Variants in GDAP2 observed in about 807,000 individuals in gnomAD.
The protein encoded by GDAP2 is ganglioside induced differentiation associated protein 2.
In GDAP2, 51 loss-of-function variants were observed where a neutral mutation model predicts 67.0. That is an observed-to-expected ratio of 0.76 (90% CI 0.61 to 0.96). The LOEUF is 0.96. Ranked by LOEUF, GDAP2 falls within the 40% of genes least tolerant of loss-of-function variation. The probability of loss-of-function intolerance (pLI) is 0.00; values close to 1 mark genes in which losing one functional copy is unlikely to be tolerated. For synonymous variants in GDAP2, 203 were observed against 207.3 expected (o/e 0.98, Z 0.18); for missense variants, 547 against 588.3 (o/e 0.93, Z 0.73).
intron 1 of GDAP2, among the ~76,000 whole-genome samples, chr1:117,922,820 C>G (rs1397590500): frequency 6.6e-6 from 1 of 152,238 alleles, no homozygotes; most frequent in Non-Finnish European, 1.5e-5. Context: ...GGTTCAAGAG[C>G]AGAGAACCGG....
At chr1:117,915,729 C>T (rs1263718593) in intron 3 of GDAP2, among the ~76,000 whole-genome samples, 1 of 152,116 alleles carries the variant, frequency 6.6e-6, no homozygotes, top group African/African-American at 2.4e-5. Context: ...TCTAAATTCA[C>T]AAAGTGAATA....
At chr1:117,903,617 A>G (rs532375642) in intron 6 of GDAP2, among the ~76,000 whole-genome samples, 2 of 151,986 alleles carry the variant, frequency 1.3e-5, no homozygotes, top group East Asian at 1.9e-4. Flanking sequence ...CATTCCTGAC[A>G]TAAGTCCTAC....
chr1:117,920,154 T>C, intron 2 of GDAP2, 28 bp downstream of exon 2: 1 of 1,347,774 alleles, frequency 7.4e-7, no homozygotes, highest in South Asian at 1.2e-5. Flanking sequence ...TGTTATCTCC[T>C]CATGATATGA....
intron 3 of GDAP2, 94 bp downstream of exon 3, chr1:117,918,503 T>G (rs1650125783): frequency 2.3e-6 from 2 of 880,418 alleles, no homozygotes; most frequent in African/African-American, 3.4e-5. Context: ...CAGCTACATC[T>G]ACAAAATTTT....
intron 6 of GDAP2, among the ~76,000 whole-genome samples, chr1:117,902,477 G>C (rs1313256578): frequency 6.6e-6 from 1 of 152,118 alleles, no homozygotes; most frequent in Non-Finnish European, 1.5e-5. Context: ...GCTAATTTTT[G>C]TATCTGCTAT....
Position 117,899,106 on chromosome 1 carries a change from C to G in GDAP2, c.747G>C (p.Val249=). 6.2e-7 allele frequency: 1 copy of G among 1,613,014 alleles called. No individual in the cohort carries two copies. The highest frequency in any genetic ancestry group is 8.5e-7 in the Non-Finnish European group (1 of 1,179,044). Reference sequence around the variant, plus strand: ...TTATTCTAATCTGTCGTTCAGGTACCACAGGCTCCCCTTCTGCATTTCCAA... The same window carrying G: ...TTATTCTAATCTGTCGTTCAGGTACGACAGGCTCCCCTTCTGCATTTCCAA... ...ADIGNAEGEP[V]VPERQIRISE... Residue 249 remains valine (V), a synonymous_variant, in exon 7 of 14, where the codon GTG becomes GTC. Transcript: ENST00000369443.
chr1:117,889,798 A>C (rs2101129599), intron 8 of GDAP2, among the ~76,000 whole-genome samples: 1 of 152,230 alleles, frequency 6.6e-6, no homozygotes, highest in South Asian at 2.1e-4. Context: ...ATGAGACTAA[A>C]CAGCAAAATG....
intron 13 of GDAP2, among the ~76,000 whole-genome samples, chr1:117,875,726 G>A (rs1648434404): frequency 6.6e-6 from 1 of 152,200 alleles, no homozygotes; most frequent in African/African-American, 2.4e-5. Flanking sequence ...AAAGCCAAAG[G>A]AGATTATTTT....
Position 117,868,554 on chromosome 1 carries a change from G to A in GDAP2, c.*2015C>T, listed in dbSNP as rs1442519472. ...CTTTCAAATTGGCAAAGTAGCTTAC[G>A]GCCTCTATTATCTCTACAGAAAATG... On this transcript the variant is annotated 3_prime_UTR_variant, in exon 14 of 14. Transcript: ENST00000369443. 2 of 152,052 alleles carry A rather than the reference G, an allele frequency of 1.3e-5. No homozygotes were observed. Among genetic ancestry groups the A allele is most frequent in the Non-Finnish European group, 2.9e-5 (2 of 68,022 alleles). 9.4% of individuals were successfully genotyped at this position (152,052 alleles called of 1,614,324 possible). A position where few individuals can be genotyped will look rare whatever the true frequency, so the allele number is the denominator to read the frequency against.
chr1:117,892,954 C>T (rs767235152), intron 8 of GDAP2, among the ~76,000 whole-genome samples: 2 of 152,066 alleles, frequency 1.3e-5, no homozygotes, highest in Non-Finnish European at 2.9e-5. Flanking sequence ...TGACCCTGTA[C>T]AGTAATTTAA....
intron 13 of GDAP2, among the ~76,000 whole-genome samples, chr1:117,873,002 TAGG>T (rs1248202026): frequency 6.6e-6 from 1 of 152,192 alleles, no homozygotes. Flanking sequence ...TATCTGTCTT[TAGG>T]AGTTCTCTAT....
Position 117,883,494 on chromosome 1 carries a change from TCAA to T in GDAP2, c.1238_1240del (p.Val413del). 6 of 1,610,522 alleles carry T rather than the reference TCAA, an allele frequency of 3.7e-6. No individual in the cohort carries two copies. Among genetic ancestry groups the T allele is most frequent in the Non-Finnish European group, 4.2e-6 (5 of 1,178,292 alleles). On this transcript the variant is annotated inframe_deletion, in exon 11 of 14. Transcript: ENST00000369443. The stretch of plus-strand genomic sequence containing the variant: ...ATTTGCAAAAATAACTAACTTGACA[TCAA>T]CAACATCGTAGAGTTTCTTCAGGAA...
chr1:117,876,430 T>A (rs910973190), intron 13 of GDAP2, among the ~76,000 whole-genome samples: 2 of 152,084 alleles, frequency 1.3e-5, no homozygotes, highest in Non-Finnish European at 2.9e-5. Context: ...ACCAAATAAA[T>A]CTATTCTTTA....
At chr1:117,903,092 A>G (rs1230528286) in intron 6 of GDAP2, among the ~76,000 whole-genome samples, 3 of 152,002 alleles carry the variant, frequency 2.0e-5, no homozygotes, top group African/African-American at 7.2e-5. Context: ...TAGAAATACA[A>G]TTTATTTTTG....
chr1:117,881,697 TAGAAACCAGGAAATTAGCAGTC>T, intron 12 of GDAP2, 104 bp downstream of exon 12: 1 of 676,214 alleles, frequency 1.5e-6, no homozygotes, highest in East Asian at 2.6e-5. Context: ...CAAGATCACT[TAGAAACCAGGAAATTAGCAGTC>T]ACAATGGTGA....
chr1:117,877,775 C>T, intron 13 of GDAP2: 2 of 1,235,006 alleles, frequency 1.6e-6, no homozygotes, highest in Middle Eastern at 3.2e-4. Context: ...TCTGAACTCA[C>T]AGCAGAGAGA....
At position 117,918,732 on chromosome 1, in the gene GDAP2, CT is replaced by C; in HGVS notation, c.180del (p.Gly61GlufsTer6). The C allele has an allele frequency of 6.2e-7, 1 of 1,600,290 alleles. No homozygotes were observed. The highest frequency in any genetic ancestry group is 8.6e-7 in the Non-Finnish European group (1 of 1,168,916). ...KDVNGKVVLW[K>X]GDVALLNCTA... is the part of the protein sequence containing the mutation. ...GTACAGTTCAGTAATGCCACATCTC[CT>C]TTCCTGAAGAAACAATAAAGAATGA... On this transcript the variant is annotated frameshift_variant, in exon 3 of 14. Transcript: ENST00000369443. LOFTEE classifies it high-confidence loss of function.
chr1:117,921,162 G>A (rs981686482), intron 1 of GDAP2, among the ~76,000 whole-genome samples: 3 of 152,094 alleles, frequency 2.0e-5, no homozygotes, highest in African/African-American at 4.8e-5. Context: ...TCAGTAAAAT[G>A]GTATATTCAT....
intron 1 of GDAP2, among the ~76,000 whole-genome samples, chr1:117,929,003 G>C (rs1342989310): frequency 6.6e-6 from 1 of 152,108 alleles, no homozygotes; most frequent in Non-Finnish European, 1.5e-5. Flanking sequence ...GTCACTCCAG[G>C]GATTGCGGGA....
Sources: gnomAD v4.1 joint callset for allele counts (sites outside exome capture counted in the v4.1 genomes callset) on GRCh38, gnomAD v4.1.1 for gene constraint, MANE v1.5 for transcripts, NCBI Gene and HGNC (gene_info 2026-07-23, HGNC 2026-07-21) for gene names.